TBC1D2: variants seen among roughly 807,000 people sequenced by gnomAD.
The protein encoded by TBC1D2 is TBC1 domain family member 2A.
Under a neutral mutation model 91.1 loss-of-function variants are expected in TBC1D2, and 58 were observed. The ratio of observed to expected loss-of-function variants is 0.64; its 90% CI spans 0.52 to 0.79. The LOEUF (loss-of-function observed/expected upper bound fraction) is 0.79. TBC1D2 is among the 30% of genes least tolerant of loss of function. TBC1D2 has a pLI of 0.00. For synonymous variants in TBC1D2, 482 were observed against 511.5 expected (o/e 0.94, Z 0.78); for missense variants, 1,080 against 1,208.3 (o/e 0.89, Z 1.57).
At chr9:98,220,789 C>G in intron 6 of TBC1D2, 44 bp downstream of exon 6, 1 of 1,601,904 alleles carries the variant, frequency 6.2e-7, no homozygotes, top group Non-Finnish European at 8.5e-7. Flanking sequence ...AGGGCTGGGA[C>G]AGAGGACCGG....
intron 7 of TBC1D2, among the ~76,000 whole-genome samples, chr9:98,212,134 T>C (rs1828858863): frequency 6.6e-6 from 1 of 152,022 alleles, no homozygotes; most frequent in African/African-American, 2.4e-5. Context: ...CCAAACAATC[T>C]CCCTACTTCC....
rs112000700 is a variant in TBC1D2 at position 98,245,163 on chromosome 9, C to A, written c.512-1034G>T. Among the ~76,000 whole-genome samples, 660 of 152,220 alleles carry A rather than the reference C, an allele frequency of 4.3e-3. 4 individuals carry two copies. Among genetic ancestry groups the A allele is most frequent in the African/African-American group, 0.015 (640 of 41,528 alleles). On this transcript the variant is annotated intron_variant, in intron 2 of 12. Transcript: ENST00000465784. Reference sequence around the variant, plus strand: ...GCTGAGGCAGGAGAATGGCCTCAACCCAGGAGGCGGAGCTTGCAGTGAGCC... The same window carrying A: ...GCTGAGGCAGGAGAATGGCCTCAACACAGGAGGCGGAGCTTGCAGTGAGCC...
chr9:98,219,161 C>T lies in TBC1D2; in HGVS notation c.1374+1672G>A, dbSNP rs192190660. On this transcript the variant is annotated intron_variant, in intron 6 of 12. Transcript: ENST00000465784. ...AGAAAGGGAAGGGAATCAGGTTTCA[C>T]GTCCTTTTCCTTTATCCTTCTAACA... is the stretch of plus-strand genomic sequence containing the variant. Among the ~76,000 whole-genome samples the T allele has an allele frequency of 6.3e-3, 958 of 152,330 alleles. 14 individuals carry two copies. The highest frequency in any genetic ancestry group is 0.022 in the African/African-American group (895 of 41,572).
chr9:98,205,273 T>G (rs948474592), intron 9 of TBC1D2, among the ~76,000 whole-genome samples: 1 of 152,190 alleles, frequency 6.6e-6, no homozygotes, highest in Non-Finnish European at 1.5e-5. Flanking sequence ...CTTCAGCACA[T>G]GTTAAAAACT....
At chr9:98,224,311 C>T (rs1239279818) in intron 5 of TBC1D2, among the ~76,000 whole-genome samples, 1 of 111,902 alleles carries the variant, frequency 8.9e-6, no homozygotes, top group Non-Finnish European at 1.7e-5. Context: ...GAGACAGGGT[C>T]TCACTCTGTT....
At chr9:98,233,316 C>A (rs941661624) in intron 4 of TBC1D2, 100 bp downstream of exon 4, 15 of 1,480,596 alleles carry the variant, frequency 1.0e-5, no homozygotes, top group Non-Finnish European at 1.1e-5. Flanking sequence ...AAGACACACA[C>A]AAAAGCACAA....
rs760520840 is a variant in TBC1D2 at position 98,255,158 on chromosome 9, G to C, written c.369+15C>G. On this transcript the variant is annotated intron_variant, in intron 1 of 12. Coordinates refer to ENST00000465784, the MANE Select transcript of TBC1D2 (RefSeq NM_001267571.2). ...TCACGCCGCTGGAAAGGAGAAAGTC[G>C]TTGCAGGAATTTACCTTCAGGGTAA... is the stretch of plus-strand genomic sequence containing the variant. The C allele has an allele frequency of 6.3e-7, 1 of 1,590,252 alleles. No individual in the cohort carries two copies. The highest frequency in any genetic ancestry group is 1.7e-5 in the Admixed American group (1 of 58,156).
Position 98,201,523 on chromosome 9 carries a change from T to C in TBC1D2, c.2413A>G (p.Ile805Val), listed in dbSNP as rs751032477. The change falls in exon 11 of 13, where the codon ATC becomes GTC. Residue 805 changes from isoleucine to valine, a missense_variant. Ile to Val is a conservative substitution (Grantham distance 29). Coordinates refer to ENST00000465784, the MANE Select transcript of TBC1D2 (RefSeq NM_001267571.2). ...VVFADSLISN[I>V]LLRVWDAFLY... ...AAGGCATCCCAGACCCGAAGGAGGA[T>C]GTTGCTAATGAGACTGTCCGCAAAG... 1.2e-6 allele frequency: 2 copies of C among 1,614,032 alleles called. No individual in the cohort carries two copies. Among genetic ancestry groups the C allele is most frequent in the Non-Finnish European group, 1.7e-6 (2 of 1,179,984 alleles).
intron 6 of TBC1D2, among the ~76,000 whole-genome samples, chr9:98,219,129 T>C (rs1230593302): frequency 6.6e-6 from 1 of 152,260 alleles, no homozygotes; most frequent in Non-Finnish European, 1.5e-5. Context: ...TTTCAGTCTT[T>C]GCTGAAAGAA....
intron 10 of TBC1D2, 147 bp from the exon 11 acceptor site, chr9:98,201,811 G>T: frequency 1.4e-6 from 1 of 707,472 alleles, no homozygotes; most frequent in Non-Finnish European, 2.3e-6. Context: ...ACCTCGGGGA[G>T]CCAGGGGCCA....
Position 98,208,892 on chromosome 9 carries a change from A to G in TBC1D2, c.1926T>C (p.Arg642=). The G allele has an allele frequency of 3.7e-6, 6 of 1,614,116 alleles. No individual in the cohort carries two copies. The highest frequency in any genetic ancestry group is 5.1e-6 in the Non-Finnish European group (6 of 1,179,994). The change falls in exon 9 of 13, where the codon CGT becomes CGC. Residue 642 remains arginine, a synonymous_variant. Coordinates refer to ENST00000465784, the MANE Select transcript of TBC1D2 (RefSeq NM_001267571.2). ...AGCCTGGAGTGTGCAGGTGCTGGAC[A>G]CGGAGGTGGACCAGCCACCTCCAGA... is the stretch of plus-strand genomic sequence containing the variant. ...PRVWRWLVHL[R]VQHLHTPGCY...
rs868509579 is a variant in TBC1D2, at chr9:98,209,994, T to C, written c.1673+662A>G. On this transcript the variant is annotated intron_variant, in intron 8 of 12. Transcript: ENST00000465784. ...CAGGCGTGCACCACCACTCTTCTTT[T>C]TTTTTTTTTTTTGTAGAGACAGGAT... Among the ~76,000 whole-genome samples, 956 of 126,486 alleles carry C rather than the reference T, an allele frequency of 7.6e-3. 12 individuals are homozygous for C. The highest frequency in any genetic ancestry group is 0.022 in the African/African-American group (873 of 39,048). The allele number at this position is 126,486 out of a possible 152,430, so 83.0% of individuals were successfully genotyped here. A position where few individuals can be genotyped will look rare whatever the true frequency, so the allele number is the denominator to read the frequency against.
chr9:98,231,279 CTTTTTTTTTTT>C (rs35195996), intron 4 of TBC1D2, among the ~76,000 whole-genome samples: 3 of 76,738 alleles, frequency 3.9e-5, no homozygotes, highest in Admixed American at 1.6e-4. Context: ...CTCAACTCTG[CTTTTTTTTTTT>C]TTTTTTTTTT....
intron 3 of TBC1D2, among the ~76,000 whole-genome samples, chr9:98,242,808 T>TTTTA (rs1488770161): frequency 1.4e-5 from 1 of 72,336 alleles, no homozygotes; most frequent in African/African-American, 5.4e-5. Flanking sequence ...GCTGCCTTTT[T>TTTTA]TTTTTTTTTT....
intron 4 of TBC1D2, among the ~76,000 whole-genome samples, chr9:98,231,175 G>A (rs899419183): frequency 6.6e-6 from 1 of 151,796 alleles, no homozygotes; most frequent in African/African-American, 2.4e-5. Flanking sequence ...TGTTCAATCA[G>A]TGCCCTGGAT....
At chr9:98,205,227 T>C (rs894218063) in intron 9 of TBC1D2, among the ~76,000 whole-genome samples, 5 of 152,166 alleles carry the variant, frequency 3.3e-5, no homozygotes, top group Admixed American at 6.5e-5. Context: ...CAGAATGGCC[T>C]CAGTCTAGGG....
intron 1 of TBC1D2, among the ~76,000 whole-genome samples, chr9:98,254,738 A>G (rs755493370): frequency 1.5e-4 from 23 of 152,214 alleles, no homozygotes; most frequent in Non-Finnish European, 2.8e-4. Flanking sequence ...ATATCAAGAA[A>G]CGGGAATCAG....
chr9:98,215,417 C>T (rs1311696678), intron 6 of TBC1D2, among the ~76,000 whole-genome samples: 3 of 152,216 alleles, frequency 2.0e-5, no homozygotes, highest in Non-Finnish European at 4.4e-5. Flanking sequence ...TTTTATTATT[C>T]CTATGACACA....
intron 3 of TBC1D2, among the ~76,000 whole-genome samples, 161 bp downstream of exon 3, chr9:98,243,833 G>A (rs757133263): frequency 4.6e-5 from 7 of 152,050 alleles, no homozygotes; most frequent in Non-Finnish European, 8.8e-5. Flanking sequence ...CACCACACCC[G>A]GCCAAATGTA....
Sources: allele counts gnomAD v4.1 joint callset (sites outside exome capture counted in the v4.1 genomes callset), GRCh38; gene constraint gnomAD v4.1.1; transcripts MANE v1.5; gene names NCBI Gene and HGNC (gene_info 2026-07-23, HGNC 2026-07-21).